BACH2: variants seen among roughly 807,000 people sequenced by gnomAD.
BACH2 encodes transcription regulator protein BACH2.
Under a neutral mutation model 61.8 loss-of-function variants are expected in BACH2, and 5 were observed. The ratio of observed to expected loss-of-function variants is 0.08; its 90% CI spans 0.04 to 0.17. BACH2 has a LOEUF of 0.17. Among genes scored for constraint, BACH2 ranks in the 10% least tolerant of loss-of-function variants. The pLI, the probability that BACH2 is intolerant of heterozygous loss-of-function variation, is 1.00. For missense variants in BACH2, 824 were observed against 1,091.1 expected, an observed-to-expected ratio of 0.76 and a Z score of 3.45; for synonymous variants, 446 against 440.1, an observed-to-expected ratio of 1.01 and a Z score of -0.17.
Position 90,148,719 on chromosome 6 carries a change from TAC to T in BACH2, c.-162+57848_-162+57849del, listed in dbSNP as rs1166829919. Among the ~76,000 whole-genome samples, 4 of 152,212 alleles carry T rather than the reference TAC, an allele frequency of 2.6e-5. No individual in the cohort carries two copies. The South Asian group carries it at 8.3e-4, about 31-fold the overall frequency. ...ACACACACACGCATACACGCACACC[TAC>T]AGTCAGGACTGTAAGACACATTCAG... is the stretch of plus-strand genomic sequence containing the variant. On this transcript the variant is annotated intron_variant, in intron 4 of 8. Coordinates refer to ENST00000257749, the MANE Select transcript of BACH2 (RefSeq NM_021813.4).
At chr6:90,111,748 T>C (rs1039056057) in intron 4 of BACH2, among the ~76,000 whole-genome samples, 1 of 152,236 alleles carries the variant, frequency 6.6e-6, no homozygotes, top group African/African-American at 2.4e-5. Flanking sequence ...TGAAATGATA[T>C]TGTTCACTAA....
intron 4 of BACH2, among the ~76,000 whole-genome samples, chr6:90,200,891 C>A (rs932700423): frequency 6.6e-6 from 1 of 152,060 alleles, no homozygotes; most frequent in African/African-American, 2.4e-5. Context: ...TTAAGAAAAT[C>A]TAGAACATAC....
At chr6:90,050,184 C>T (rs1275237508) in intron 5 of BACH2, among the ~76,000 whole-genome samples, 1 of 152,098 alleles carries the variant, frequency 6.6e-6, no homozygotes, top group Non-Finnish European at 1.5e-5. Context: ...AAAATAGTGT[C>T]ATCATTTTGA....
At position 89,971,003 on chromosome 6, in the gene BACH2, T is replaced by C. The variant is rs372232511; in HGVS notation, c.244-19141A>G. 7.9e-5 allele frequency among the ~76,000 whole-genome samples: 12 copies of C among 152,260 alleles called. 1 individual carries two copies. Among genetic ancestry groups the C allele is most frequent in the East Asian group, 5.8e-4 (3 of 5,206 alleles). ...CTTATGGTTTGTTCATCACATAGAA[T>C]ACATTTTTAGCAAATTATATTTAAT... On this transcript the variant is annotated intron_variant, in intron 6 of 8. Coordinates refer to ENST00000257749, the MANE Select transcript of BACH2 (RefSeq NM_021813.4).
chr6:90,132,221 C>T (rs1171741197), intron 4 of BACH2, among the ~76,000 whole-genome samples: 3 of 152,222 alleles, frequency 2.0e-5, no homozygotes, highest in Non-Finnish European at 2.9e-5. Flanking sequence ...TACTTGCAAG[C>T]AATGTAGCAT....
intron 4 of BACH2, among the ~76,000 whole-genome samples, chr6:90,149,705 G>A (rs746810254): frequency 8.5e-5 from 13 of 152,178 alleles, no homozygotes; most frequent in Non-Finnish European, 1.8e-4. Context: ...TGGATATATA[G>A]GCAGATGAAA....
chr6:90,087,088 A>G (rs1781963355), intron 5 of BACH2, among the ~76,000 whole-genome samples: 1 of 152,164 alleles, frequency 6.6e-6, no homozygotes, highest in Non-Finnish European at 1.5e-5. Context: ...TAAACATTTT[A>G]ACATATACCT....
chr6:90,003,752 C>T (rs979407186), intron 6 of BACH2, among the ~76,000 whole-genome samples: 11 of 152,222 alleles, frequency 7.2e-5, no homozygotes, highest in Non-Finnish European at 1.3e-4. Context: ...AAAAAATCTG[C>T]CCATTACTCT....
intron 5 of BACH2, among the ~76,000 whole-genome samples, chr6:90,062,015 T>TATA (rs1347572031): frequency 3.9e-5 from 6 of 152,180 alleles, no homozygotes; most frequent in African/African-American, 1.4e-4. Flanking sequence ...AAGAAGTTTT[T>TATA]TCCTGGGGCA....
At chr6:90,054,024 C>T (rs746011617) in intron 5 of BACH2, among the ~76,000 whole-genome samples, 1 of 152,214 alleles carries the variant, frequency 6.6e-6, no homozygotes, top group Non-Finnish European at 1.5e-5. Flanking sequence ...CTCCGGTCTA[C>T]AGCTCCCAGC....
At chr6:90,018,855 C>T (rs147369486) in intron 5 of BACH2, among the ~76,000 whole-genome samples, 54 of 152,128 alleles carry the variant, frequency 3.5e-4, no homozygotes, top group East Asian at 1.2e-3. Context: ...CCCTAAGCCA[C>T]GGGGTAAGAT....
chr6:90,228,339 A>T (rs1411261064), intron 3 of BACH2, among the ~76,000 whole-genome samples: 1 of 152,262 alleles, frequency 6.6e-6, no homozygotes, highest in African/African-American at 2.4e-5. Flanking sequence ...GCTGATGGTC[A>T]GCCATTTTGG....
intron 4 of BACH2, among the ~76,000 whole-genome samples, chr6:90,151,037 T>C (rs375671366): frequency 6.6e-6 from 1 of 152,194 alleles, no homozygotes; most frequent in Non-Finnish European, 1.5e-5. Flanking sequence ...CCAGGGTCCA[T>C]CTAGGCAAAC....
intron 4 of BACH2, among the ~76,000 whole-genome samples, chr6:90,130,198 G>A (rs926752292): frequency 6.6e-6 from 1 of 152,082 alleles, no homozygotes; most frequent in South Asian, 2.1e-4. Context: ...AGAGTACACC[G>A]TTGACTGGTG....
chr6:89,960,838 G>C (rs929793290), intron 6 of BACH2, among the ~76,000 whole-genome samples: 6 of 152,226 alleles, frequency 3.9e-5, no homozygotes, highest in Non-Finnish European at 8.8e-5. Flanking sequence ...GGAGCGTTAC[G>C]TGTCCCCTCT....
At chr6:90,127,729 G>A (rs970512276) in intron 4 of BACH2, among the ~76,000 whole-genome samples, 1 of 152,208 alleles carries the variant, frequency 6.6e-6, no homozygotes, top group African/African-American at 2.4e-5. Flanking sequence ...TGTGGAAGAT[G>A]TTGTACAGAC....
chr6:90,020,576 A>G (rs976757159), intron 5 of BACH2, among the ~76,000 whole-genome samples: 9 of 151,966 alleles, frequency 5.9e-5, no homozygotes, highest in African/African-American at 1.9e-4. Flanking sequence ...CAGCCTCTAG[A>G]ACTGTAAGAA....
chr6:90,157,744 T>C (rs1785042347), intron 4 of BACH2, among the ~76,000 whole-genome samples: 1 of 152,072 alleles, frequency 6.6e-6, no homozygotes, highest in Non-Finnish European at 1.5e-5. Flanking sequence ...CAAATCAGGG[T>C]TGCACCAGCT....
intron 5 of BACH2, among the ~76,000 whole-genome samples, chr6:90,039,615 A>C (rs984450911): frequency 5.2e-4 from 79 of 152,008 alleles, no homozygotes; most frequent in African/African-American, 1.8e-3. Context: ...CTATCTCCTG[A>C]CCTCGTGATC....
Sources: gnomAD v4.1 joint callset for allele counts (sites outside exome capture counted in the v4.1 genomes callset) on GRCh38, gnomAD v4.1.1 for gene constraint, MANE v1.5 for transcripts, NCBI Gene and HGNC (gene_info 2026-07-23, HGNC 2026-07-21) for gene names.